Variants in AJAP1 observed in about 807,000 individuals in gnomAD.
AJAP1 encodes adherens junctions associated protein 1.
In AJAP1, 5 loss-of-function variants were observed where a neutral mutation model predicts 35.0. That is an observed-to-expected ratio of 0.14 (90% CI 0.07 to 0.30). AJAP1 has a LOEUF of 0.30. Among genes scored for constraint, AJAP1 ranks in the 10% least tolerant of loss-of-function variants. The pLI is 1.00. For synonymous variants in AJAP1, 284 were observed against 249.3 expected (o/e 1.14, Z -1.31); for missense variants, 586 against 571.0 (o/e 1.03, Z -0.27).
At chr1:4,662,713 G>C (rs190691418) in intron 1 of AJAP1, among the ~76,000 whole-genome samples, 2 of 152,222 alleles carry the variant, frequency 1.3e-5, no homozygotes, top group South Asian at 2.1e-4. Context: ...GGTGGGATAG[G>C]CTCCTCCCTC....
intron 1 of AJAP1, among the ~76,000 whole-genome samples, chr1:4,705,122 ATGGTAGTTTCTTT>A (rs1387001838): frequency 3.3e-5 from 5 of 152,052 alleles, no homozygotes; most frequent in Non-Finnish European, 7.4e-5. Context: ...GTTCACTCTG[ATGGTAGTTTCTTT>A]TGCTGTGCAG....
rs771247547 is a variant in AJAP1, at chr1:4,734,027, C to A, written c.829+21328C>A. Reference sequence around the variant, plus strand: ...GGGCCCTTGCCGGAGCTCCAATTAGCGGCTTTTGTAAGCGATCACGTACCG... The same window carrying A: ...GGGCCCTTGCCGGAGCTCCAATTAGAGGCTTTTGTAAGCGATCACGTACCG... On this transcript the variant is annotated intron_variant, in intron 2 of 5. Transcript: ENST00000378191. The surrounding 1 kb of genome is among the most constrained non-coding windows in gnomAD (Gnocchi z 4.3). Among the ~76,000 whole-genome samples, 3 of 152,212 alleles carry A rather than the reference C, an allele frequency of 2.0e-5. No homozygotes were observed. Among genetic ancestry groups the A allele is most frequent in the Non-Finnish European group, 4.4e-5 (3 of 68,036 alleles).
intron 2 of AJAP1, among the ~76,000 whole-genome samples, chr1:4,752,183 GGAGA>G (rs534042794): frequency 3.3e-4 from 50 of 151,310 alleles, no homozygotes; most frequent in Non-Finnish European, 1.5e-4. Flanking sequence ...GGAGGAGGGA[GGAGA>G]GAGAGGAGGA....
intron 2 of AJAP1, among the ~76,000 whole-genome samples, chr1:4,739,934 C>T (rs1466003984): frequency 1.3e-5 from 2 of 152,156 alleles, no homozygotes; most frequent in African/African-American, 4.8e-5. Context: ...AGAGGGCTTC[C>T]GGGATGGCTT....
chr1:4,759,613 G>A (rs1641518984), intron 2 of AJAP1, among the ~76,000 whole-genome samples: 1 of 152,114 alleles, frequency 6.6e-6, no homozygotes, highest in African/African-American at 2.4e-5. Flanking sequence ...TCTGGACTGG[G>A]TGCCTTCCTT....
intron 2 of AJAP1, among the ~76,000 whole-genome samples, chr1:4,717,101 G>A (rs143612247): frequency 7.9e-5 from 12 of 152,326 alleles, no homozygotes; most frequent in Non-Finnish European, 1.3e-4. Context: ...TTGCTGGTCA[G>A]GTTTCGAATC....
chr1:4,765,463 C>T (rs970851100), intron 2 of AJAP1, among the ~76,000 whole-genome samples: 3 of 69,280 alleles, frequency 4.3e-5, no homozygotes, highest in Admixed American at 1.5e-4. Flanking sequence ...TTATTTAAGG[C>T]GAGAGTATTG....
chr1:4,699,049 G>A (rs1043734283), intron 1 of AJAP1, among the ~76,000 whole-genome samples: 8 of 152,248 alleles, frequency 5.3e-5, no homozygotes, highest in Admixed American at 2.6e-4. Context: ...GCCTCCTGTC[G>A]CCAGAGTCCA....
intron 2 of AJAP1, among the ~76,000 whole-genome samples, chr1:4,754,410 CAG>C (rs1348462260): frequency 1.3e-5 from 2 of 152,186 alleles, no homozygotes; most frequent in African/African-American, 4.8e-5. Flanking sequence ...TCTCCTGTAG[CAG>C]AGACTCCCTT....
chr1:4,722,593 G>A (rs1442374365), intron 2 of AJAP1, among the ~76,000 whole-genome samples: 4 of 152,210 alleles, frequency 2.6e-5, no homozygotes, highest in East Asian at 1.9e-4. Context: ...TTTGGAGGCC[G>A]GAGTCTGAAG....
In AJAP1 at chr1:4,787,144, G is replaced by T. The variant is rs1157622553; in HGVS notation, c.*4659G>T. The T allele has an allele frequency of 1.3e-5, 2 of 153,056 alleles. No homozygotes were observed. The highest frequency in any genetic ancestry group is 2.9e-5 in the Non-Finnish European group (2 of 68,698). The allele number at this position is 153,056 out of a possible 1,614,324, so 9.5% of individuals were successfully genotyped here. A position where few individuals can be genotyped will look rare whatever the true frequency, so the allele number is the denominator to read the frequency against. On this transcript the variant is annotated 3_prime_UTR_variant, in exon 6 of 6. Coordinates refer to ENST00000378191, the MANE Select transcript of AJAP1 (RefSeq NM_018836.4). ...TCATCCTCTTATTCAACAAATACTT[G>T]TTCCACTTCTACCACACTGGCCATA... is the stretch of plus-strand genomic sequence containing the variant.
chr1:4,682,907 C>A (rs1465426762), intron 1 of AJAP1, among the ~76,000 whole-genome samples: 1 of 151,802 alleles, frequency 6.6e-6, no homozygotes, highest in East Asian at 1.9e-4. Context: ...GGTGATGATG[C>A]TGATGGTGAT....
intron 2 of AJAP1, among the ~76,000 whole-genome samples, chr1:4,758,818 G>A (rs765885512): frequency 4.6e-5 from 7 of 152,168 alleles, no homozygotes; most frequent in African/African-American, 7.2e-5. Context: ...GACAGCCGGC[G>A]TGCAGAGGAG....
intron 2 of AJAP1, among the ~76,000 whole-genome samples, chr1:4,752,165 G>A (rs1289719201): frequency 4.0e-5 from 6 of 151,498 alleles, no homozygotes; most frequent in African/African-American, 1.5e-4. Flanking sequence ...GGAGGAGGGA[G>A]GAGAGGAGGA....
chr1:4,707,254 C>T (rs1291127002), intron 1 of AJAP1, among the ~76,000 whole-genome samples: 1 of 152,206 alleles, frequency 6.6e-6, no homozygotes, highest in Non-Finnish European at 1.5e-5. Context: ...ACACCCCATT[C>T]TCTAGCATGT....
At chr1:4,774,760 C>T (rs1369973348) in intron 5 of AJAP1, among the ~76,000 whole-genome samples, 3 of 152,052 alleles carry the variant, frequency 2.0e-5, no homozygotes, top group Admixed American at 6.5e-5. Context: ...GTGCCCTCCC[C>T]GTCCCAGGGG....
chr1:4,721,222 C>G (rs755042630), intron 2 of AJAP1, among the ~76,000 whole-genome samples: 20 of 152,270 alleles, frequency 1.3e-4, no homozygotes, highest in Admixed American at 7.2e-4. Flanking sequence ...TGGGGCAGAA[C>G]CCAGCTCTCC....
intron 2 of AJAP1, among the ~76,000 whole-genome samples, chr1:4,766,676 A>G (rs975619924): frequency 2.0e-5 from 3 of 152,226 alleles, no homozygotes; most frequent in African/African-American, 7.2e-5. Context: ...TTACTTTGCA[A>G]GAAAAGTCTG....
In AJAP1 at chr1:4,666,850, T is replaced by C. The variant is rs561907153; in HGVS notation, c.29+11396T>C. 6.4e-4 allele frequency among the ~76,000 whole-genome samples: 80 copies of C among 125,070 alleles called. 7 individuals are homozygous for C. The highest frequency in any genetic ancestry group is 1.2e-3 in the Non-Finnish European group (73 of 60,296). 82.1% of individuals were successfully genotyped at this position (125,070 alleles called of 152,430 possible). A position where few individuals can be genotyped will look rare whatever the true frequency, so the allele number is the denominator to read the frequency against. On this transcript the variant is annotated intron_variant, in intron 1 of 5. Transcript: ENST00000378191. ...CACGGAGGGGTTGCAGAGAGGAGCC[T>C]GTGAATCACAGGAGGGTGCAGAGAG... is the stretch of plus-strand genomic sequence containing the variant.
Sources: gnomAD v4.1 joint callset for allele counts (sites outside exome capture counted in the v4.1 genomes callset) on GRCh38, gnomAD v4.1.1 for gene constraint, Gnocchi (gnomAD v3.1) non-coding constraint, MANE v1.5 for transcripts, NCBI Gene and HGNC (gene_info 2026-07-23, HGNC 2026-07-21) for gene names.